CTNNA3: variants seen among roughly 807,000 people sequenced by gnomAD.
CTNNA3 encodes the protein catenin alpha-3.
A neutral mutation model predicts 95.7 loss-of-function variants in CTNNA3; 76 were observed. That is an observed-to-expected ratio of 0.79 (90% CI 0.66 to 0.96). The LOEUF (loss-of-function observed/expected upper bound fraction) is 0.96, where lower values mean the gene tolerates loss of function less well. Ranked by LOEUF, CTNNA3 falls within the 40% of genes least tolerant of loss-of-function variation. The pLI is 0.00. For missense variants in CTNNA3, 1,191 were observed against 1,089.8 expected (o/e 1.09, Z -1.31); for synonymous variants, 431 against 374.4 (o/e 1.15, Z -1.74).
chr10:66,556,928 G>A (rs928421259), intron 10 of CTNNA3, among the ~76,000 whole-genome samples: 1 of 152,014 alleles, frequency 6.6e-6, no homozygotes, highest in South Asian at 2.1e-4. Flanking sequence ...TAATTCACTT[G>A]ACTGTAGTAA....
chr10:66,215,444 C>T (rs182902278), intron 13 of CTNNA3, among the ~76,000 whole-genome samples: 1 of 152,232 alleles, frequency 6.6e-6, no homozygotes, highest in East Asian at 1.9e-4. Flanking sequence ...AGGAAACTAC[C>T]CACTTCTGGT....
At chr10:66,664,319 CACTA>C (rs536698297) in intron 9 of CTNNA3, among the ~76,000 whole-genome samples, 30 of 152,210 alleles carry the variant, frequency 2.0e-4, no homozygotes, top group Middle Eastern at 3.4e-3. Flanking sequence ...AGATTTATAG[CACTA>C]ACTAAGTCAC....
At chr10:66,521,968 G>A (rs1841082473) in intron 10 of CTNNA3, among the ~76,000 whole-genome samples, 1 of 152,124 alleles carries the variant, frequency 6.6e-6, no homozygotes, top group Non-Finnish European at 1.5e-5. Flanking sequence ...CTCATTGAGT[G>A]GAATGTTTTT....
intron 16 of CTNNA3, 52 bp from the exon 17 acceptor site, chr10:65,966,798 G>C (rs752058197): frequency 7.0e-7 from 1 of 1,434,102 alleles, no homozygotes; most frequent in Non-Finnish European, 9.7e-7. Context: ...ATAATAGTTA[G>C]ATCAAGGTGA....
intron 9 of CTNNA3, among the ~76,000 whole-genome samples, chr10:66,722,359 C>T (rs913845214): frequency 2.8e-5 from 4 of 142,822 alleles, no homozygotes; most frequent in Admixed American, 7.2e-5. Flanking sequence ...GACTGGACGA[C>T]AGAGCGAGAC....
chr10:67,692,090 G>A (rs564335513), intron 1 of CTNNA3, among the ~76,000 whole-genome samples: 59 of 146,914 alleles, frequency 4.0e-4, no homozygotes, highest in African/African-American at 1.5e-3. Flanking sequence ...CCCCCGCCCG[G>A]CCAGCTGCCC....
intron 7 of CTNNA3, among the ~76,000 whole-genome samples, chr10:67,042,933 T>A (rs1384144440): frequency 1.3e-5 from 2 of 152,032 alleles, no homozygotes; most frequent in Non-Finnish European, 2.9e-5. Context: ...TCGAACGCTA[T>A]AAAAGAGGAG....
chr10:66,585,925 C>A (rs983920601), intron 10 of CTNNA3, among the ~76,000 whole-genome samples: 6 of 151,728 alleles, frequency 4.0e-5, no homozygotes, highest in Non-Finnish European at 5.9e-5. Flanking sequence ...GTTTTTGATT[C>A]AATTGGGTTT....
intron 5 of CTNNA3, among the ~76,000 whole-genome samples, chr10:67,436,356 A>G (rs959421117): frequency 2.0e-5 from 3 of 152,198 alleles, no homozygotes; most frequent in Non-Finnish European, 4.4e-5. Flanking sequence ...CTAAGACCTG[A>G]AACTATTAAA....
chr10:67,741,085 C>A (rs558268266), intron 1 of CTNNA3, among the ~76,000 whole-genome samples: 1 of 151,050 alleles, frequency 6.6e-6, no homozygotes, highest in South Asian at 2.1e-4. Flanking sequence ...CGCATATTCT[C>A]ACTCATAGGT....
chr10:67,290,320 C>G (rs1487549648), intron 5 of CTNNA3, among the ~76,000 whole-genome samples: 1 of 152,124 alleles, frequency 6.6e-6, no homozygotes, highest in Non-Finnish European at 1.5e-5. Flanking sequence ...AGAATTTAAA[C>G]AAATTAATCA....
intron 5 of CTNNA3, among the ~76,000 whole-genome samples, chr10:67,439,299 A>G (rs1846413415): frequency 6.6e-6 from 1 of 152,168 alleles, no homozygotes; most frequent in Non-Finnish European, 1.5e-5. Context: ...TGAAAATTTT[A>G]TAAAGAAAAG....
At chr10:67,541,218 T>A (rs1840675198) in intron 3 of CTNNA3, among the ~76,000 whole-genome samples, 2 of 151,894 alleles carry the variant, frequency 1.3e-5, no homozygotes, top group Admixed American at 1.3e-4. Context: ...TTAAGTTTTG[T>A]TATATATTGC....
At chr10:67,303,538 A>G (rs917379139) in intron 5 of CTNNA3, among the ~76,000 whole-genome samples, 1 of 152,232 alleles carries the variant, frequency 6.6e-6, no homozygotes, top group African/African-American at 2.4e-5. Flanking sequence ...ATAAAACTCC[A>G]AAACATGTAT....
At chr10:66,133,497 A>T (rs1004768609) in intron 13 of CTNNA3, among the ~76,000 whole-genome samples, 1 of 151,598 alleles carries the variant, frequency 6.6e-6, no homozygotes, top group Non-Finnish European at 1.5e-5. Flanking sequence ...TGGTCGACAG[A>T]GTGAGAGTCT....
intron 6 of CTNNA3, among the ~76,000 whole-genome samples, chr10:67,184,221 A>T (rs146316607): frequency 1.2e-3 from 176 of 152,290 alleles, no homozygotes; most frequent in African/African-American, 4.1e-3. Flanking sequence ...TGTCTTGAGA[A>T]TCCCAAACAC....
rs567055772 is a variant in CTNNA3 at position 66,918,795 on chromosome 10, T to C, written c.1048-143271A>G. Among the ~76,000 whole-genome samples, 4 of 152,240 alleles carry C rather than the reference T, an allele frequency of 2.6e-5. No homozygotes were observed. In the East Asian group the frequency reaches 5.8e-4, roughly 22 times the overall value. ...AGGCTGTTAGGAATGCATCCTGAAATGTGCATGTGTGTAGATAGATAAATA... is the reference window on the plus strand; with the variant it reads ...AGGCTGTTAGGAATGCATCCTGAAACGTGCATGTGTGTAGATAGATAAATA... On this transcript the variant is annotated intron_variant, in intron 7 of 17. Coordinates refer to ENST00000433211, the MANE Select transcript of CTNNA3 (RefSeq NM_013266.4).
chr10:66,038,299 T>G (rs1350478050), intron 15 of CTNNA3, among the ~76,000 whole-genome samples: 1 of 152,156 alleles, frequency 6.6e-6, no homozygotes, highest in African/African-American at 2.4e-5. Context: ...TCTGTAGGAG[T>G]AACTGAACAA....
At chr10:66,688,797 C>T (rs1259258009) in intron 9 of CTNNA3, among the ~76,000 whole-genome samples, 3 of 149,216 alleles carry the variant, frequency 2.0e-5, no homozygotes, top group Non-Finnish European at 4.4e-5. Context: ...TGGTGAAACC[C>T]GTCTCTACTA....
Sources: allele counts gnomAD v4.1 joint callset (sites outside exome capture counted in the v4.1 genomes callset), GRCh38; gene constraint gnomAD v4.1.1; transcripts MANE v1.5; gene names NCBI Gene and HGNC (gene_info 2026-07-23, HGNC 2026-07-21).